SLC35F1: variants seen among roughly 807,000 people sequenced by gnomAD.
SLC35F1 encodes the protein solute carrier family 35 member F1, also known as chromosome 6 open reading frame 169.
In SLC35F1, 14 loss-of-function variants were observed where a neutral mutation model predicts 48.7. The ratio of observed to expected loss-of-function variants is 0.29; its 90% CI spans 0.19 to 0.45. The LOEUF is 0.45. Among genes scored for constraint, SLC35F1 ranks in the 20% least tolerant of loss-of-function variants. The pLI is 1.00. For missense variants in SLC35F1, 404 were observed against 500.0 expected, an observed-to-expected ratio of 0.81 and a Z score of 1.83; for synonymous variants, 190 against 202.2, an observed-to-expected ratio of 0.94 and a Z score of 0.51.
rs147134072 is a variant in SLC35F1, at chr6:118,200,175, C to A, written c.350-35334C>A. ...ACATACATATATACATACATACATACATACATACATACATACATACATACA... is the reference window on the plus strand; with the variant it reads ...ACATACATATATACATACATACATAAATACATACATACATACATACATACA... On this transcript the variant is annotated intron_variant, in intron 2 of 7. Transcript: ENST00000360388. Among the ~76,000 whole-genome samples, 703 of 151,994 alleles carry A rather than the reference C, an allele frequency of 4.6e-3. 9 individuals are homozygous for A. Among genetic ancestry groups the A allele is most frequent in the East Asian group, 0.028 (146 of 5,174 alleles).
intron 1 of SLC35F1, among the ~76,000 whole-genome samples, chr6:118,129,808 A>G (rs995223122): frequency 3.9e-5 from 6 of 152,210 alleles, no homozygotes; most frequent in Admixed American, 1.3e-4. Context: ...GATGATTTAC[A>G]TATAATACAT....
At position 118,236,022 on chromosome 6, in the gene SLC35F1, T is replaced by G. The variant is rs571868355; in HGVS notation, c.477+386T>G. Among the ~76,000 whole-genome samples the G allele has an allele frequency of 4.6e-5, 7 of 152,332 alleles. No homozygotes were observed. In the South Asian group the frequency reaches 1.4e-3, roughly 32 times the overall value. On this transcript the variant is annotated intron_variant, in intron 3 of 7. Transcript: ENST00000360388. Reference sequence around the variant, plus strand: ...AATAAATATAAAAACAAATCAATTTTAATCACAACTTATAACTTTTTAGAA... The same window carrying G: ...AATAAATATAAAAACAAATCAATTTGAATCACAACTTATAACTTTTTAGAA...
intron 1 of SLC35F1, among the ~76,000 whole-genome samples, chr6:117,951,520 A>G (rs1288263038): frequency 6.6e-6 from 1 of 152,256 alleles, no homozygotes; most frequent in East Asian, 1.9e-4. Flanking sequence ...TATGTATAAG[A>G]TACAATATGA....
rs1290663579 is a variant in SLC35F1 at position 118,082,600 on chromosome 6, AAGG to A, written c.174-71842_174-71840del. On this transcript the variant is annotated intron_variant, in intron 1 of 7. Transcript: ENST00000360388. ...AGAAGGGATTTTTTTTTTTTTCATA[AAGG>A]AGAAGACCACCAAAAGTTGAGCCTT... Among the ~76,000 whole-genome samples, 4 of 151,844 alleles carry A rather than the reference AAGG, an allele frequency of 2.6e-5. No individual in the cohort carries two copies. In the South Asian group the frequency reaches 6.2e-4, roughly 24 times the overall value.
intron 2 of SLC35F1, among the ~76,000 whole-genome samples, chr6:118,176,219 T>A (rs1263191977): frequency 2.6e-5 from 4 of 152,138 alleles, no homozygotes; most frequent in Admixed American, 2.0e-4. Context: ...CACGCACACT[T>A]TTCTTTCCAA....
intron 1 of SLC35F1, among the ~76,000 whole-genome samples, chr6:117,979,071 T>C (rs1776741963): frequency 6.6e-6 from 1 of 152,222 alleles, no homozygotes; most frequent in Non-Finnish European, 1.5e-5. Context: ...ACAATGTGAA[T>C]CCATTTTTCA....
rs1775930420 is a variant in SLC35F1, at chr6:118,277,354, A to G, written c.795-140A>G. 18 of 757,712 alleles carry G rather than the reference A, an allele frequency of 2.4e-5. No individual in the cohort carries two copies. In the South Asian group the frequency reaches 3.1e-4, roughly 13 times the overall value. The allele number at this position is 757,712 out of a possible 1,614,324, so 46.9% of individuals were successfully genotyped here. The stretch of plus-strand genomic sequence containing the variant: ...TCTGCCTAATTAGACTTGCTTCTGC[A>G]TGACCCAAAATTCTTTCTGAAATTC... On this transcript the variant is annotated intron_variant, in intron 5 of 7. Coordinates refer to ENST00000360388, the MANE Select transcript of SLC35F1 (RefSeq NM_001029858.4).
intron 1 of SLC35F1, among the ~76,000 whole-genome samples, chr6:117,911,194 T>A (rs994221609): frequency 1.3e-5 from 2 of 152,176 alleles, no homozygotes; most frequent in Non-Finnish European, 2.9e-5. Context: ...GATAATTTTT[T>A]AAAATAATTA....
chr6:118,122,329 G>C (rs1315475511), intron 1 of SLC35F1, among the ~76,000 whole-genome samples: 2 of 151,916 alleles, frequency 1.3e-5, no homozygotes, highest in African/African-American at 2.4e-5. Context: ...TGGTGAACCT[G>C]TGACAGTGTG....
At chr6:118,076,071 A>C (rs985753423) in intron 1 of SLC35F1, among the ~76,000 whole-genome samples, 2 of 152,140 alleles carry the variant, frequency 1.3e-5, no homozygotes, top group South Asian at 4.1e-4. Context: ...AAAACAAAAC[A>C]GAATTATTTT....
intron 1 of SLC35F1, among the ~76,000 whole-genome samples, chr6:117,982,045 AC>A (rs1412935754): frequency 6.6e-6 from 1 of 152,212 alleles, no homozygotes; most frequent in Admixed American, 6.5e-5. Flanking sequence ...TTTTAAGAAT[AC>A]AAAAATACGA....
At chr6:118,116,967 CT>C (rs1392495981) in intron 1 of SLC35F1, among the ~76,000 whole-genome samples, 16 of 152,154 alleles carry the variant, frequency 1.1e-4, no homozygotes, top group African/African-American at 3.6e-4. Flanking sequence ...TTTATTATTT[CT>C]AGTGCAATGA....
chr6:118,247,623 A>T (rs1041828946), intron 3 of SLC35F1, among the ~76,000 whole-genome samples: 16 of 152,174 alleles, frequency 1.1e-4, no homozygotes, highest in African/African-American at 3.9e-4. Flanking sequence ...AATAAATCAC[A>T]TTTTTTCTTT....
chr6:118,208,774 C>G (rs1396949855), intron 2 of SLC35F1, among the ~76,000 whole-genome samples: 2 of 152,082 alleles, frequency 1.3e-5, no homozygotes, highest in African/African-American at 4.8e-5. Context: ...CCAAGTGTGG[C>G]GCTGTGGCAT....
intron 2 of SLC35F1, among the ~76,000 whole-genome samples, chr6:118,208,684 C>A (rs1267860447): frequency 2.0e-5 from 3 of 152,144 alleles, no homozygotes; most frequent in Non-Finnish European, 4.4e-5. Flanking sequence ...CATTGTTCTA[C>A]CATCCCATCA....
At chr6:117,927,545 C>T (rs1012016305) in intron 1 of SLC35F1, among the ~76,000 whole-genome samples, 1 of 152,120 alleles carries the variant, frequency 6.6e-6, no homozygotes, top group Non-Finnish European at 1.5e-5. Flanking sequence ...ATGCTGGGAG[C>T]AGGGGCTTCA....
At chr6:118,162,966 T>C (rs1774260687) in intron 2 of SLC35F1, among the ~76,000 whole-genome samples, 1 of 151,732 alleles carries the variant, frequency 6.6e-6, no homozygotes, top group Admixed American at 6.6e-5. Flanking sequence ...TCTTTCTTTT[T>C]TTTTTTTTTG....
intron 1 of SLC35F1, among the ~76,000 whole-genome samples, chr6:117,932,966 T>C (rs1284978600): frequency 6.6e-6 from 1 of 152,204 alleles, no homozygotes; most frequent in Non-Finnish European, 1.5e-5. Context: ...CAAAACAAGT[T>C]TCTTACGTTG....
At chr6:118,036,455 A>G (rs924484306) in intron 1 of SLC35F1, among the ~76,000 whole-genome samples, 4 of 152,216 alleles carry the variant, frequency 2.6e-5, no homozygotes, top group African/African-American at 9.6e-5. Context: ...CTTGGTAAAT[A>G]CAATTGAAAA....
Sources: allele counts gnomAD v4.1 joint callset (sites outside exome capture counted in the v4.1 genomes callset), GRCh38; gene constraint gnomAD v4.1.1; transcripts MANE v1.5; gene names NCBI Gene and HGNC (gene_info 2026-07-23, HGNC 2026-07-21).